Variants in CCDC136 observed in about 807,000 individuals in gnomAD.
CCDC136 encodes coiled-coil domain-containing protein 136.
A neutral mutation model predicts 141.2 loss-of-function variants in CCDC136; 100 were observed. The ratio of observed to expected loss-of-function variants is 0.71; its 90% CI spans 0.60 to 0.84. The LOEUF (loss-of-function observed/expected upper bound fraction) is 0.84, where lower values mean the gene tolerates loss of function less well. Ranked by LOEUF, CCDC136 falls within the 40% of genes least tolerant of loss-of-function variation. The pLI is 0.00. For synonymous variants in CCDC136, 474 were observed against 531.9 expected (o/e 0.89, Z 1.50); for missense variants, 1,206 against 1,379.4 (o/e 0.87, Z 1.99).
rs1284065961 is a variant in CCDC136 at position 128,794,325 on chromosome 7, G to A, written c.17-23G>A. The A allele has an allele frequency of 5.8e-6, 9 of 1,551,702 alleles. No individual in the cohort carries two copies. Among genetic ancestry groups the A allele is most frequent in the Non-Finnish European group, 7.8e-6 (9 of 1,146,978 alleles). Reference sequence around the variant, plus strand: ...GAAAGGAAGTTGATGCTGACTCCTTGGTGGGATGGCTGTGTCTCCTAGGGG... The same window carrying A: ...GAAAGGAAGTTGATGCTGACTCCTTAGTGGGATGGCTGTGTCTCCTAGGGG... On this transcript the variant is annotated intron_variant, in intron 1 of 17. Transcript: ENST00000297788. The surrounding 1 kb of genome is among the most constrained non-coding windows in gnomAD (Gnocchi z 4.3).
chr7:128,806,544 G>C (rs996845648), intron 8 of CCDC136, 144 bp from the exon 9 acceptor site: 125 of 1,054,250 alleles, frequency 1.2e-4, no homozygotes, highest in Non-Finnish European at 1.6e-4. Flanking sequence ...CCCTGCTCGA[G>C]TACTACATTA....
intron 3 of CCDC136, among the ~76,000 whole-genome samples, chr7:128,796,135 C>T (rs1422639754): frequency 6.6e-6 from 1 of 152,168 alleles, no homozygotes; most frequent in Non-Finnish European, 1.5e-5. Flanking sequence ...GCCACCACAC[C>T]TGGCTAATTA....
chr7:128,808,394 T>C, intron 10 of CCDC136: 1 of 755,454 alleles, frequency 1.3e-6, no homozygotes, highest in Non-Finnish European at 1.6e-6. Flanking sequence ...AGAATACTAC[T>C]CTTAACTCAC....
chr7:128,815,824 G>A lies in CCDC136; in HGVS notation c.3256G>A (p.Glu1086Lys). The change falls in exon 16 of 18, where the codon GAG becomes AAG. Residue 1086 changes from glutamate (E) to lysine (K), a missense_variant. Glu to Lys is a moderately conservative substitution (Grantham distance 56). Transcript: ENST00000297788. ...TCAGGAGGAAAATGAAGAGGACAAA[G>A]AGGAAGAGGAGAAGGAAGAAGACAG... ...EDQEENEEDK[E>K]EEEKEEDSEE... 1 of 1,611,178 alleles carries A rather than the reference G, an allele frequency of 6.2e-7. No individual in the cohort carries two copies.
intron 13 of CCDC136, 37 bp downstream of exon 13, chr7:128,812,349 A>G (rs1435205839): frequency 1.3e-6 from 2 of 1,584,942 alleles, no homozygotes; most frequent in Non-Finnish European, 8.6e-7. Flanking sequence ...GCAGGGGACG[A>G]TGGACTCTTG....
At chr7:128,815,236 A>C (rs1806413849) in intron 15 of CCDC136, among the ~76,000 whole-genome samples, 1 of 152,204 alleles carries the variant, frequency 6.6e-6, no homozygotes, top group Admixed American at 6.5e-5. Context: ...TTACATGCCC[A>C]AGAGAAGAAC....
intron 3 of CCDC136, among the ~76,000 whole-genome samples, chr7:128,800,806 C>T (rs765045336): frequency 2.0e-5 from 3 of 152,156 alleles, no homozygotes; most frequent in African/African-American, 4.8e-5. Flanking sequence ...AGTCTGTATA[C>T]ATTTTTTGAG....
Position 128,812,796 on chromosome 7 carries a change from T to A in CCDC136, c.2630T>A (p.Leu877Gln). Residue 877 changes from leucine to glutamine, a missense_variant, in exon 14 of 18, where the codon CTG (leucine) becomes CAG (glutamine). Coordinates refer to ENST00000297788, the MANE Select transcript of CCDC136 (RefSeq NM_022742.5). ...ATAAGCCAGGAGGAACACAGCCAGCTGCAAGAGCAGATGGAAAAGTTACTG... is the reference window on the plus strand; with the variant it reads ...ATAAGCCAGGAGGAACACAGCCAGCAGCAAGAGCAGATGGAAAAGTTACTG... ...YQISQEEHSQLQEQMEKLLAK... is the reference protein window; with the variant it reads ...YQISQEEHSQQQEQMEKLLAK... 6.2e-7 allele frequency: 1 copy of A among 1,613,534 alleles called. No homozygotes were observed. Among genetic ancestry groups the A allele is most frequent in the Non-Finnish European group, 8.5e-7 (1 of 1,179,798 alleles).
chr7:128,796,740 T>TATATATATATA (rs61079649), intron 3 of CCDC136, among the ~76,000 whole-genome samples: 118 of 124,478 alleles, frequency 9.5e-4, no homozygotes, highest in Non-Finnish European at 1.2e-3. Context: ...TATATATATA[T>TATATATATATA]TCTTTTTTTT....
Position 128,801,386 on chromosome 7 carries a change from G to A in CCDC136, c.547G>A (p.Glu183Lys), listed in dbSNP as rs546581124. 2 of 1,613,320 alleles carry A rather than the reference G, an allele frequency of 1.2e-6. No individual in the cohort carries two copies. The highest frequency in any genetic ancestry group is 1.7e-6 in the Non-Finnish European group (2 of 1,179,680). Residue 183 changes from glutamate to lysine, a missense_variant, in exon 4 of 18, where the codon GAA becomes AAA. Physicochemically the swap from Glu to Lys is moderately conservative, Grantham distance 56. Coordinates refer to ENST00000297788, the MANE Select transcript of CCDC136 (RefSeq NM_022742.5). Reference sequence around the variant, plus strand: ...TCTCTGCCGGATGCAGAATGAACTTGAAGACATGGAACGCATTCGGGGAGA... The same window carrying A: ...TCTCTGCCGGATGCAGAATGAACTTAAAGACATGGAACGCATTCGGGGAGA... Reference protein sequence around the residue: ...EDLCRMQNELEDMERIRGDYE... With the variant: ...EDLCRMQNELKDMERIRGDYE...
intron 13 of CCDC136, 102 bp downstream of exon 13, chr7:128,812,414 C>T (rs1585112154): frequency 1.6e-6 from 2 of 1,252,004 alleles, no homozygotes; most frequent in East Asian, 2.5e-5. Flanking sequence ...GGAATGGGGT[C>T]AGAACTGACC....
intron 17 of CCDC136, among the ~76,000 whole-genome samples, chr7:128,820,885 T>G (rs374834424): frequency 1.3e-5 from 2 of 152,348 alleles, no homozygotes; most frequent in South Asian, 4.1e-4. Context: ...AGATCAATTA[T>G]CATCTGAGAA....
chr7:128,810,797 C>A (rs774294455), intron 12 of CCDC136, among the ~76,000 whole-genome samples: 11 of 152,232 alleles, frequency 7.2e-5, no homozygotes, highest in Non-Finnish European at 1.2e-4. Context: ...CAAAATCTAT[C>A]ACCTTTGGTG....
At chr7:128,792,778 T>A (rs1802379195) in intron 1 of CCDC136, among the ~76,000 whole-genome samples, 1 of 152,238 alleles carries the variant, frequency 6.6e-6, no homozygotes, top group African/African-American at 2.4e-5. Context: ...TGTCTCTTAT[T>A]TTAAAAAGCA....
intron 3 of CCDC136, among the ~76,000 whole-genome samples, chr7:128,796,828 G>A (rs1173311587): frequency 2.1e-5 from 3 of 141,632 alleles, no homozygotes; most frequent in African/African-American, 7.9e-5. Flanking sequence ...TGCAAGCTCC[G>A]CCTCCCGGGT....
At chr7:128,791,508 CGGAGCCGGCGCG>C (rs1241704467), upstream of CCDC136, 20 of 1,297,700 alleles carry the variant, frequency 1.5e-5, no homozygotes, top group Admixed American at 7.7e-4. This position sits in a 1 kb window ranked among gnomAD's most constrained non-coding sequence, Gnocchi z 7.1. Context: ...AGGCGGGCGC[CGGAGCCGGCGCG>C]GGAGCCGCGG....
rs777498139 is a variant in CCDC136 at position 128,815,897 on chromosome 7, A to G, written c.3329A>G (p.Glu1110Gly). The G allele has an allele frequency of 3.6e-5, 58 of 1,613,602 alleles. No homozygotes were observed. Among genetic ancestry groups the G allele is most frequent in the Middle Eastern group, 3.3e-4 (2 of 6,084 alleles). The change falls in exon 16 of 18, where the codon GAA becomes GGA. Residue 1110 changes from glutamate to glycine, a missense_variant. Transcript: ENST00000297788. ...GACTCTTCCCTTGAAAGTCCCGAAG[A>G]AAATAACCCCCTCAGACTTTCCGAG... is the stretch of plus-strand genomic sequence containing the variant. ...DADSSLESPE[E>G]NNPLRLSESK... is the part of the protein sequence containing the mutation.
intron 1 of CCDC136, 43 bp downstream of exon 1, chr7:128,792,470 C>T: frequency 1.4e-6 from 2 of 1,455,350 alleles, no homozygotes; most frequent in South Asian, 1.2e-5. Context: ...CTCCCCTCCT[C>T]CCTTAATTCC....
chr7:128,812,977 C>A (rs998769864), intron 14 of CCDC136, 48 bp downstream of exon 14: 3 of 1,324,378 alleles, frequency 2.3e-6, no homozygotes, highest in Non-Finnish European at 3.2e-6. Flanking sequence ...CCCCTGGAGC[C>A]ATAGAGGTCA....
Sources: allele counts gnomAD v4.1 joint callset (sites outside exome capture counted in the v4.1 genomes callset), GRCh38; gene constraint gnomAD v4.1.1; non-coding constraint Gnocchi (gnomAD v3.1); transcripts MANE v1.5; gene names NCBI Gene and HGNC (gene_info 2026-07-23, HGNC 2026-07-21).